Variants in GRK5 observed in about 807,000 individuals in gnomAD.
GRK5 encodes g protein-coupled receptor kinase GRK5.
In GRK5, 40 loss-of-function variants were observed where a neutral mutation model predicts 78.4. The observed-to-expected ratio is 0.51, with a 90% CI of 0.40 to 0.66. GRK5 has a LOEUF of 0.66. Among genes scored for constraint, GRK5 ranks in the 30% least tolerant of loss-of-function variants. GRK5 has a pLI of 0.00. For missense variants in GRK5, 598 were observed against 759.9 expected, an observed-to-expected ratio of 0.79 and a Z score of 2.50; for synonymous variants, 289 against 296.8, an observed-to-expected ratio of 0.97 and a Z score of 0.27.
chr10:119,227,131 C>T (rs1438735764), intron 1 of GRK5, among the ~76,000 whole-genome samples: 1 of 152,154 alleles, frequency 6.6e-6, no homozygotes, highest in Non-Finnish European at 1.5e-5. Context: ...GCTAAGATTA[C>T]AGGTATGAGC....
Position 119,271,486 on chromosome 10 carries a change from A to T in GRK5, c.53-55030A>T, listed in dbSNP as rs1056981667. Among the ~76,000 whole-genome samples, 5 of 152,216 alleles carry T rather than the reference A, an allele frequency of 3.3e-5. No individual in the cohort carries two copies. The stretch of plus-strand genomic sequence containing the variant: ...TAGCTCTAGTAAACAGACATTTAGC[A>T]TATACAGATCTGCACACTTGACAAA... On this transcript the variant is annotated intron_variant, in intron 1 of 15. Coordinates refer to ENST00000392870, the MANE Select transcript of GRK5 (RefSeq NM_005308.3). This position sits in a 1 kb window ranked among gnomAD's most constrained non-coding sequence, Gnocchi z 4.1.
chr10:119,436,512 C>A, intron 8 of GRK5, 139 bp from the exon 9 acceptor site: 2 of 799,064 alleles, frequency 2.5e-6, no homozygotes, highest in Non-Finnish European at 4.0e-6. Flanking sequence ...AGGGTCACCG[C>A]AGAGGCCATC....
At chr10:119,254,777 G>T (rs1270501441) in intron 1 of GRK5, among the ~76,000 whole-genome samples, 3 of 152,054 alleles carry the variant, frequency 2.0e-5, no homozygotes, top group Non-Finnish European at 4.4e-5. Context: ...AAAACAGGCC[G>T]GGCACGGTGG....
chr10:119,450,438 T>C (rs957735056), intron 13 of GRK5, among the ~76,000 whole-genome samples: 8 of 152,114 alleles, frequency 5.3e-5, no homozygotes, highest in African/African-American at 1.9e-4. Flanking sequence ...ACCCCTTAAA[T>C]AGAAGTAGAA....
intron 1 of GRK5, among the ~76,000 whole-genome samples, chr10:119,275,497 A>G (rs1441493050): frequency 6.6e-6 from 1 of 152,230 alleles, no homozygotes; most frequent in African/African-American, 2.4e-5. Flanking sequence ...AGAAAAACAT[A>G]CAGTGAACCC....
rs759787482 is a variant in GRK5, at chr10:119,423,204, C to T, written c.378C>T (p.Val126=). 1 of 1,614,126 alleles carries T rather than the reference C, an allele frequency of 6.2e-7. No individual in the cohort carries two copies. Among genetic ancestry groups the T allele is most frequent in the Non-Finnish European group, 8.5e-7 (1 of 1,179,970 alleles). Residue 126 remains valine (V), a synonymous_variant, in exon 5 of 16, where the codon GTC becomes GTT. Coordinates refer to ENST00000392870, the MANE Select transcript of GRK5 (RefSeq NM_005308.3). ...VFIAQVGQDL[V]SQTEEKLLQK... is the part of the protein sequence containing the mutation. ...TAGCCCAAGTTGGCCAAGACCTGGT[C>T]TCCCAGACGGAGGAGAAGCTCCTAC...
chr10:119,384,932 T>A (rs1262506649), intron 3 of GRK5, among the ~76,000 whole-genome samples: 3 of 152,100 alleles, frequency 2.0e-5, no homozygotes, highest in Non-Finnish European at 4.4e-5. Flanking sequence ...AGTTTGGATA[T>A]GGGGAGGCTG....
chr10:119,238,243 T>C lies in GRK5; in HGVS notation c.52+30274T>C, dbSNP rs1848965237. On this transcript the variant is annotated intron_variant, in intron 1 of 15. Transcript: ENST00000392870. This position sits in a 1 kb window ranked among gnomAD's most constrained non-coding sequence, Gnocchi z 4.7. ...GGTGACAGCCGGGAGGGTCAGACTTTATCAGTTTCCTGGGTGGAGGGTGGA... is the reference window on the plus strand; with the variant it reads ...GGTGACAGCCGGGAGGGTCAGACTTCATCAGTTTCCTGGGTGGAGGGTGGA... Among the ~76,000 whole-genome samples the C allele has an allele frequency of 6.6e-6, 1 of 152,144 alleles. No individual in the cohort carries two copies. Among genetic ancestry groups the C allele is most frequent in the African/African-American group, 2.4e-5 (1 of 41,424 alleles).
Position 119,209,487 on chromosome 10 carries a change from GTTTT to G in GRK5, c.52+1542_52+1545del, listed in dbSNP as rs60169912. Among the ~76,000 whole-genome samples the G allele has an allele frequency of 2.4e-4, 24 of 98,918 alleles. No homozygotes were observed. In the East Asian group the frequency reaches 4.2e-3, roughly 17 times the overall value. 64.9% of individuals were successfully genotyped at this position (98,918 alleles called of 152,430 possible). A position where few individuals can be genotyped will look rare whatever the true frequency, so the allele number is the denominator to read the frequency against. On this transcript the variant is annotated intron_variant, in intron 1 of 15. Transcript: ENST00000392870. ...GGCCTGAGCTGTGTGTGTGTGTGTG[GTTTT>G]TTTTTTTTTTTTTTTTTTTTTTTCC...
At chr10:119,285,110 T>C (rs1849825557) in intron 1 of GRK5, among the ~76,000 whole-genome samples, 1 of 152,222 alleles carries the variant, frequency 6.6e-6, no homozygotes, top group South Asian at 2.1e-4. Context: ...TCAGGGCTCA[T>C]GTCTAGAGTG....
chr10:119,411,839 C>CTTTTT (rs1554919064), intron 4 of GRK5, among the ~76,000 whole-genome samples: 3 of 55,614 alleles, frequency 5.4e-5, no homozygotes, highest in African/African-American at 1.6e-4. Context: ...TGCAGATCTG[C>CTTTTT]TTCTTTTTTT....
At chr10:119,293,293 G>A (rs1850015970) in intron 1 of GRK5, among the ~76,000 whole-genome samples, 1 of 152,192 alleles carries the variant, frequency 6.6e-6, no homozygotes, top group Non-Finnish European at 1.5e-5. Flanking sequence ...GCTGAGGTGG[G>A]TGGATCACTT....
chr10:119,327,902 C>G (rs1464524933), intron 2 of GRK5, among the ~76,000 whole-genome samples: 2 of 152,318 alleles, frequency 1.3e-5, no homozygotes, highest in Non-Finnish European at 1.5e-5. Flanking sequence ...GTTCTCGGGC[C>G]GAGAATGCTG....
chr10:119,416,495 C>A (rs1391976175), intron 4 of GRK5, among the ~76,000 whole-genome samples: 1 of 152,232 alleles, frequency 6.6e-6, no homozygotes, highest in Admixed American at 6.5e-5. Flanking sequence ...GTCCTCCAGG[C>A]GCTGGCCCTG....
intron 1 of GRK5, among the ~76,000 whole-genome samples, chr10:119,277,908 T>C (rs1589717955): frequency 2.0e-5 from 3 of 152,258 alleles, no homozygotes; most frequent in Admixed American, 6.5e-5. Context: ...ATCTACACTG[T>C]TGGCGTATCA....
At position 119,442,047 on chromosome 10, in the gene GRK5, G is replaced by C. The variant is rs143794689; in HGVS notation, c.1016G>C (p.Gly339Ala). ...DLGLAVKIPEGDLIRGRVGTV... is the reference protein window; with the variant it reads ...DLGLAVKIPEADLIRGRVGTV... ...GGCTTGGCTGTGAAGATCCCCGAGG[G>C]AGACCTGATCCGCGGCCGGGTGGGC... The change falls in exon 11 of 16, where the codon GGA becomes GCA. Residue 339 changes from glycine (G) to alanine (A), a missense_variant. Physicochemically the swap from Gly to Ala is moderately conservative, Grantham distance 60. Coordinates refer to ENST00000392870, the MANE Select transcript of GRK5 (RefSeq NM_005308.3). 2 of 1,613,914 alleles carry C rather than the reference G, an allele frequency of 1.2e-6. No individual in the cohort carries two copies. The highest frequency in any genetic ancestry group is 8.5e-7 in the Non-Finnish European group (1 of 1,179,964).
intron 1 of GRK5, among the ~76,000 whole-genome samples, chr10:119,299,818 GTGTGTT>G (rs1399950197): frequency 6.9e-6 from 1 of 145,652 alleles, no homozygotes; most frequent in Non-Finnish European, 1.5e-5. Flanking sequence ...GTGTGTGTGT[GTGTGTT>G]TAATACACTT....
At chr10:119,391,912 G>A (rs767217991) in intron 3 of GRK5, among the ~76,000 whole-genome samples, 8 of 152,184 alleles carry the variant, frequency 5.3e-5, no homozygotes, top group Non-Finnish European at 8.8e-5. Context: ...TGGCATCTCT[G>A]ACTTCATCTT....
chr10:119,427,725 C>T lies in GRK5; in HGVS notation c.533+2640C>T, dbSNP rs897999662. On this transcript the variant is annotated intron_variant, in intron 6 of 15. Coordinates refer to ENST00000392870, the MANE Select transcript of GRK5 (RefSeq NM_005308.3). ...GCATCACCACCATCATTAGTATCAC[C>T]ACCATCGTCAACATCACTGCCATCA... Among the ~76,000 whole-genome samples, 13 of 135,124 alleles carry T rather than the reference C, an allele frequency of 9.6e-5. 1 individual carries two copies. Among genetic ancestry groups the T allele is most frequent in the African/African-American group, 4.5e-4 (13 of 29,078 alleles). 88.6% of individuals were successfully genotyped at this position (135,124 alleles called of 152,430 possible).
Sources: gnomAD v4.1 joint callset for allele counts (sites outside exome capture counted in the v4.1 genomes callset) on GRCh38, gnomAD v4.1.1 for gene constraint, Gnocchi (gnomAD v3.1) non-coding constraint, MANE v1.5 for transcripts, NCBI Gene and HGNC (gene_info 2026-07-23, HGNC 2026-07-21) for gene names.